The following RAP1GAP2 variants were observed in gnomAD, a reference collection of about 807,000 sequenced individuals.
RAP1GAP2 encodes the protein RAP1 GTPase activating protein 2, also known as rap1 GTPase-activating protein 2.
RAP1GAP2 carries 27 observed loss-of-function variants against 95.0 expected under a neutral mutation model. That is an observed-to-expected ratio of 0.28 (90% confidence interval 0.21 to 0.39). The LOEUF (loss-of-function observed/expected upper bound fraction) is 0.39, where lower values mean the gene tolerates loss of function less well. Ranked by LOEUF, RAP1GAP2 falls within the 10% of genes least tolerant of loss-of-function variation. The probability of loss-of-function intolerance (pLI) is 1.00; values close to 1 mark genes in which losing one functional copy is unlikely to be tolerated. For synonymous variants in RAP1GAP2, 373 were observed against 380.9 expected (o/e 0.98, Z 0.24); for missense variants, 771 against 970.0 (o/e 0.79, Z 2.72).
Position 2,796,535 on chromosome 17 carries a change from G to A in RAP1GAP2, c.8G>A (p.Gly3Asp). The change falls in exon 1 of 25, where the codon GGC (glycine) becomes GAC (aspartate). Residue 3 changes from glycine to aspartate, a missense_variant. Gly to Asp is a moderately conservative substitution (Grantham distance 94). Coordinates refer to ENST00000254695, the MANE Select transcript of RAP1GAP2 (RefSeq NM_015085.5). The surrounding 1 kb of genome is among the most constrained non-coding windows in gnomAD (Gnocchi z 4.7). ...GGCTCTGCAGCCACAACCATGTTTG[G>A]CCGGAAGCGCAGTGTCTCCTTTGGG... MF[G>D]RKRSVSFGGF... The A allele has an allele frequency of 1.9e-6, 3 of 1,563,598 alleles. No individual in the cohort carries two copies. Among genetic ancestry groups the A allele is most frequent in the East Asian group, 2.4e-5 (1 of 41,984 alleles).
chr17:2,990,599 C>T (rs188360364), intron 11 of RAP1GAP2, among the ~76,000 whole-genome samples: 25 of 152,240 alleles, frequency 1.6e-4, no homozygotes, highest in East Asian at 1.5e-3. Flanking sequence ...CCTGGGAGTG[C>T]TGTTGCCAGA....
At chr17:2,921,664 G>A (rs976381040) in intron 3 of RAP1GAP2, among the ~76,000 whole-genome samples, 8 of 151,120 alleles carry the variant, frequency 5.3e-5, no homozygotes, top group African/African-American at 1.7e-4. Context: ...CCTCAGGGCC[G>A]TTAAGGTGTC....
At chr17:2,920,810 A>T (rs1338762795) in intron 3 of RAP1GAP2, among the ~76,000 whole-genome samples, 1 of 151,774 alleles carries the variant, frequency 6.6e-6, no homozygotes, top group Admixed American at 6.6e-5. Context: ...ACTGCCATAG[A>T]CTCTACTCCA....
At chr17:2,772,509 G>C (rs2151436613), upstream of RAP1GAP2, among the ~76,000 whole-genome samples, 1 of 152,048 alleles carries the variant, frequency 6.6e-6, no homozygotes, top group East Asian at 1.9e-4. Flanking sequence ...TTGTGCCCAG[G>C]CTGGTCAACT....
chr17:2,967,287 C>G (rs1036065808), intron 8 of RAP1GAP2, among the ~76,000 whole-genome samples: 4 of 152,152 alleles, frequency 2.6e-5, no homozygotes, highest in Non-Finnish European at 5.9e-5. Context: ...AGGAGAATCA[C>G]CTGAACCCAG....
rs1005201146 is a variant in RAP1GAP2 at position 2,956,025 on chromosome 17, A to G, written c.166-1734A>G. Among the ~76,000 whole-genome samples the G allele has an allele frequency of 2.6e-5, 4 of 152,296 alleles. No individual in the cohort carries two copies. In the East Asian group the frequency reaches 7.7e-4, roughly 29 times the overall value. ...CGTGTCAGAGGTCCGTGTATTTAAC[A>G]TGTTGATTGCTTCTGTTGCATTATC... On this transcript the variant is annotated intron_variant, in intron 3 of 24. Coordinates refer to ENST00000254695, the MANE Select transcript of RAP1GAP2 (RefSeq NM_015085.5).
chr17:2,913,223 A>T (rs1291223270), intron 3 of RAP1GAP2, among the ~76,000 whole-genome samples: 1 of 151,932 alleles, frequency 6.6e-6, no homozygotes, highest in Non-Finnish European at 1.5e-5. Flanking sequence ...ATGTGCACCT[A>T]CTTACCTGCA....
In RAP1GAP2 at chr17:2,827,984, C is replaced by T. The variant is rs2070653566; in HGVS notation, c.80+27434C>T. ...TGTGGGGGAGCCACAAGAGGCCGTC[C>T]CTGGGCCTGCAAGCATGAGATGAGC... On this transcript the variant is annotated intron_variant, in intron 2 of 24. Coordinates refer to ENST00000254695, the MANE Select transcript of RAP1GAP2 (RefSeq NM_015085.5). The surrounding 1 kb of genome is among the most constrained non-coding windows in gnomAD (Gnocchi z 4.1). 1.3e-5 allele frequency among the ~76,000 whole-genome samples: 2 copies of T among 152,104 alleles called. No homozygotes were observed. The highest frequency in any genetic ancestry group is 1.3e-4 in the Admixed American group (2 of 15,264).
At chr17:2,856,415 C>G (rs886247786) in intron 2 of RAP1GAP2, among the ~76,000 whole-genome samples, 1 of 152,190 alleles carries the variant, frequency 6.6e-6, no homozygotes, top group Non-Finnish European at 1.5e-5. Context: ...CAAGTCAGAT[C>G]ATGTGAGTGG....
chr17:2,794,760 T>C (rs575656617), upstream of RAP1GAP2, among the ~76,000 whole-genome samples: 1 of 152,042 alleles, frequency 6.6e-6, no homozygotes, highest in South Asian at 2.1e-4. Context: ...CCCTGGCACC[T>C]CAGCACGGAG....
At chr17:2,795,755 G>T (rs1172227801), upstream of RAP1GAP2, among the ~76,000 whole-genome samples, 1 of 152,226 alleles carries the variant, frequency 6.6e-6, no homozygotes, top group African/African-American at 2.4e-5. Context: ...GTCAGTATGT[G>T]AGAAGCGTGT....
At chr17:2,784,938 C>T (rs2068739250) in intron 1 of RAP1GAP2, among the ~76,000 whole-genome samples, 1 of 152,206 alleles carries the variant, frequency 6.6e-6, no homozygotes, top group Non-Finnish European at 1.5e-5. Context: ...ATGGTGAGGC[C>T]TGAACATGCT....
rs532393489 is a variant in RAP1GAP2, at chr17:3,003,268, C to T, written c.1201-2101C>T. On this transcript the variant is annotated intron_variant, in intron 14 of 24. Coordinates refer to ENST00000254695, the MANE Select transcript of RAP1GAP2 (RefSeq NM_015085.5). The surrounding 1 kb of genome is among the most constrained non-coding windows in gnomAD (Gnocchi z 4.1). ...TTGGCTCCACGGAGTCGGGTGTGCA[C>T]GAAGCATCACTCTGGATTATTTTTC... is the stretch of plus-strand genomic sequence containing the variant. Among the ~76,000 whole-genome samples, 8 of 152,230 alleles carry T rather than the reference C, an allele frequency of 5.3e-5. No homozygotes were observed. The highest frequency in any genetic ancestry group is 4.1e-4 in the South Asian group (2 of 4,828).
intron 1 of RAP1GAP2, among the ~76,000 whole-genome samples, chr17:2,784,532 A>C (rs1276066320): frequency 6.6e-6 from 1 of 152,112 alleles, no homozygotes; most frequent in African/African-American, 2.4e-5. Flanking sequence ...CGGCATCCCA[A>C]AGTGCTGGGA....
Position 2,904,530 on chromosome 17 carries a change from C to CTGTGTGTGTGTGTGTGTGTGTGTG in RAP1GAP2, c.81-738_81-715dup, listed in dbSNP as rs5818880. 2.8e-3 allele frequency among the ~76,000 whole-genome samples: 366 copies of CTGTGTGTGTGTGTGTGTGTGTGTG among 129,144 alleles called. 11 individuals are homozygous for CTGTGTGTGTGTGTGTGTGTGTGTG. Among genetic ancestry groups the CTGTGTGTGTGTGTGTGTGTGTGTG allele is most frequent in the Middle Eastern group, 8.0e-3 (2 of 250 alleles). 84.7% of individuals were successfully genotyped at this position (129,144 alleles called of 152,430 possible). On this transcript the variant is annotated intron_variant, in intron 2 of 24. Coordinates refer to ENST00000254695, the MANE Select transcript of RAP1GAP2 (RefSeq NM_015085.5). This position sits in a 1 kb window ranked among gnomAD's most constrained non-coding sequence, Gnocchi z 4.7. ...CCGAGGACAGCTTTTTGACCAGGGC[C>CTGTGTGTGTGTGTGTGTGTGTGTG]TGTGTGTGTGTGTGTGTGTGTGTGT... is the stretch of plus-strand genomic sequence containing the variant.
intron 2 of RAP1GAP2, among the ~76,000 whole-genome samples, chr17:2,816,047 T>C (rs8080237): frequency 0.8 from 122,038 of 152,098 alleles, 49,602 homozygotes; most frequent in African/African-American, 0.93. Context: ...CCTTATTCCT[T>C]GAGTTAGCAG....
At chr17:2,802,709 A>G (rs942897968) in intron 2 of RAP1GAP2, among the ~76,000 whole-genome samples, 1 of 152,090 alleles carries the variant, frequency 6.6e-6, no homozygotes, top group East Asian at 1.9e-4. Context: ...GTCTCAAAAA[A>G]AAAAGTCTAG....
At chr17:2,773,641 G>A (rs941352037), upstream of RAP1GAP2, among the ~76,000 whole-genome samples, 16 of 152,218 alleles carry the variant, frequency 1.1e-4, no homozygotes, top group African/African-American at 3.9e-4. Context: ...AAAGTGCCCT[G>A]GAAGCTGAAT....
At chr17:2,812,342 G>C (rs138022483) in intron 2 of RAP1GAP2, among the ~76,000 whole-genome samples, 121 of 152,274 alleles carry the variant, frequency 7.9e-4, no homozygotes, top group African/African-American at 2.7e-3. Flanking sequence ...GTCATGGGGG[G>C]GTGGTTCCTC....
Sources: allele counts gnomAD v4.1 joint callset (sites outside exome capture counted in the v4.1 genomes callset), GRCh38; gene constraint gnomAD v4.1.1; non-coding constraint Gnocchi (gnomAD v3.1); transcripts MANE v1.5; gene names NCBI Gene and HGNC (gene_info 2026-07-23, HGNC 2026-07-21).